Variants in PFKM observed in about 807,000 individuals in gnomAD.
PFKM encodes phosphofructokinase, muscle, also known as ATP-dependent 6-phosphofructokinase, muscle type.
In PFKM, 58 loss-of-function variants were observed where a neutral mutation model predicts 95.5. The observed-to-expected ratio is 0.61, with a 90% CI of 0.49 to 0.76. PFKM has a LOEUF of 0.76. PFKM is among the 30% of genes least tolerant of loss of function. PFKM has a pLI of 0.00. For missense variants in PFKM, 678 were observed against 1,005.4 expected, an observed-to-expected ratio of 0.67 and a Z score of 4.40; for synonymous variants, 336 against 357.2, an observed-to-expected ratio of 0.94 and a Z score of 0.67.
chr12:48,126,613 G>A (rs1948865753), intron 2 of PFKM, among the ~76,000 whole-genome samples: 1 of 152,162 alleles, frequency 6.6e-6, no homozygotes, highest in Admixed American at 6.5e-5. Context: ...TCTTAACCCT[G>A]GGTATACCAA....
exon 3 of PFKM, chr12:48,108,170 G>A: frequency 6.3e-7 from 1 of 1,598,668 alleles, no homozygotes; most frequent in Non-Finnish European, 8.5e-7. Context: ...AGACACCGTG[G>A]GAAGCATACC....
chr12:48,133,173 C>A (rs1009803446), intron 5 of PFKM, 116 bp downstream of exon 5: 16 of 1,281,280 alleles, frequency 1.2e-5, no homozygotes, highest in Admixed American at 3.4e-5. Context: ...GTTACCCAGA[C>A]ACAAATAGGC....
Position 48,130,448 on chromosome 12 carries a change from A to G in PFKM, c.159+12A>G. 2 of 1,593,386 alleles carry G rather than the reference A, an allele frequency of 1.3e-6. No homozygotes were observed. The highest frequency in any genetic ancestry group is 8.6e-7 in the Non-Finnish European group (1 of 1,161,104). On this transcript the variant is annotated intron_variant, in intron 3 of 22. Transcript: ENST00000359794. ...TCTTTGTCCATGAGGTTGGTTCTGT[A>G]CTTTGTTCTTCATCATTCTTTCTCT...
upstream of PFKM, chr12:48,119,285 C>T (rs1947943523): frequency 3.0e-6 from 3 of 984,388 alleles, no homozygotes; most frequent in Non-Finnish European, 3.6e-6. Flanking sequence ...GGAAGCCTCT[C>T]CTCCTTCCCC....
rs1229166145 is a variant in PFKM at position 48,134,713 on chromosome 12, C to G, written c.639-8C>G. The G allele has an allele frequency of 6.3e-7, 1 of 1,586,940 alleles. No homozygotes were observed. Among genetic ancestry groups the G allele is most frequent in the Admixed American group, 1.7e-5 (1 of 59,998 alleles). On this transcript the variant is annotated splice_polypyrimidine_tract_variant and splice_region_variant and intron_variant, in intron 7 of 22. Transcript: ENST00000359794. The stretch of plus-strand genomic sequence containing the variant: ...CTTCTAGCAGGATGCTTCTGACTCT[C>G]ATCTCAGATACCTGGCCCTTGTCAC...
At chr12:48,127,719 A>G (rs989646603) in intron 2 of PFKM, among the ~76,000 whole-genome samples, 6 of 152,202 alleles carry the variant, frequency 3.9e-5, no homozygotes, top group African/African-American at 1.2e-4. Flanking sequence ...TCTTTCTGAG[A>G]TACAGATCGC....
At chr12:48,107,503 T>A in intron 2 of PFKM, 1 of 1,217,806 alleles carries the variant, frequency 8.2e-7, no homozygotes. Context: ...ATGGGTTCTC[T>A]CACAAGAAGT....
At chr12:48,138,428 C>T (rs758384330) in intron 11 of PFKM, among the ~76,000 whole-genome samples, 6 of 152,156 alleles carry the variant, frequency 3.9e-5, no homozygotes, top group Non-Finnish European at 5.9e-5. Context: ...CGGCTGAGAG[C>T]GAGAACTAGG....
At chr12:48,135,954 C>T (rs10219645) in intron 10 of PFKM, among the ~76,000 whole-genome samples, 44,396 of 151,528 alleles carry the variant, frequency 0.29, 6,639 homozygotes, top group Non-Finnish European at 0.31. Flanking sequence ...AATGGTGCGA[C>T]CTTGGCTCAC....
At chr12:48,122,973 C>A in intron 2 of PFKM, 114 bp downstream of exon 2, 1 of 1,021,984 alleles carries the variant, frequency 9.8e-7, no homozygotes, top group Non-Finnish European at 1.5e-6. Context: ...TTGGGCTTTG[C>A]TAAAAATTTC....
intron 14 of PFKM, among the ~76,000 whole-genome samples, chr12:48,141,091 A>T (rs1279817593): frequency 6.6e-6 from 1 of 152,224 alleles, no homozygotes; most frequent in East Asian, 1.9e-4. Context: ...CTCTGTCCCA[A>T]AGCTCAGCAC....
intron 2 of PFKM, chr12:48,107,943 A>C: frequency 2.4e-6 from 2 of 849,244 alleles, no homozygotes; most frequent in African/African-American, 1.7e-5. Flanking sequence ...TCGCGTCTCT[A>C]ATTTTTCACT....
At position 48,145,033 on chromosome 12, in the gene PFKM, T is replaced by C. The variant is rs770758369; in HGVS notation, c.1995T>C (p.Gly665=). The C allele has an allele frequency of 1.1e-5, 18 of 1,609,002 alleles. No individual in the cohort carries two copies. Among genetic ancestry groups the C allele is most frequent in the Non-Finnish European group, 1.5e-5 (18 of 1,175,298 alleles). The change falls in exon 21 of 23, where the codon GGT becomes GGC. Residue 665 remains glycine, a splice_region_variant and synonymous_variant. Transcript: ENST00000359794. The surrounding 1 kb of genome is among the most constrained non-coding windows in gnomAD (Gnocchi z 4.3). ...RKNVLGHMQQ[G]GSPTPFDRNF... ...AATTTTTATGTTTCTTTCTCCAGGG[T>C]GGGAGCCCAACCCCATTTGATAGGA...
intron 2 of PFKM, among the ~76,000 whole-genome samples, chr12:48,123,757 T>C (rs1222813611): frequency 2.0e-5 from 3 of 152,200 alleles, no homozygotes; most frequent in Non-Finnish European, 4.4e-5. Flanking sequence ...TTTGAAGAAG[T>C]TGAATTCCTT....
In PFKM at chr12:48,134,641, A is replaced by G. The variant is rs529875773; in HGVS notation, c.639-80A>G. 5.5e-4 allele frequency: 562 copies of G among 1,013,582 alleles called. 10 individuals carry two copies. The South Asian group carries it at 7.2e-3, about 13-fold the overall frequency. 62.8% of individuals were successfully genotyped at this position (1,013,582 alleles called of 1,614,324 possible). A position where few individuals can be genotyped will look rare whatever the true frequency, so the allele number is the denominator to read the frequency against. ...TCCAGACCTTTTATCAACTATGAGGACTAGGAGAACTTGTTGGGTATGGGT... is the reference window on the plus strand; with the variant it reads ...TCCAGACCTTTTATCAACTATGAGGGCTAGGAGAACTTGTTGGGTATGGGT... On this transcript the variant is annotated intron_variant, in intron 7 of 22. Coordinates refer to ENST00000359794, the MANE Select transcript of PFKM (RefSeq NM_000289.6).
chr12:48,119,919 G>C (rs1034468930), intron 1 of PFKM: 1 of 152,128 alleles, frequency 6.6e-6, no homozygotes, highest in Admixed American at 6.5e-5. Flanking sequence ...GAATATGAGC[G>C]GTTTTTACAG....
intron 5 of PFKM, 38 bp downstream of exon 5, chr12:48,133,095 C>A: frequency 6.3e-7 from 1 of 1,577,786 alleles, no homozygotes; most frequent in South Asian, 1.1e-5. Flanking sequence ...TTATTTGTGT[C>A]GGTACGTGCA....
At chr12:48,110,952 C>T (rs1947131711) in intron 3 of PFKM, among the ~76,000 whole-genome samples, 1 of 152,072 alleles carries the variant, frequency 6.6e-6, no homozygotes, top group African/African-American at 2.4e-5. Flanking sequence ...TGTCCTGACC[C>T]CTAGGCTTTT....
upstream of PFKM, chr12:48,105,668 G>A (rs1013233768): frequency 2.3e-6 from 1 of 431,894 alleles, no homozygotes; most frequent in African/African-American, 2.0e-5. Flanking sequence ...CCCCAGAGAA[G>A]ACCCAGCTCT....
Sources: gnomAD v4.1 joint callset for allele counts (sites outside exome capture counted in the v4.1 genomes callset) on GRCh38, gnomAD v4.1.1 for gene constraint, Gnocchi (gnomAD v3.1) non-coding constraint, MANE v1.5 for transcripts, NCBI Gene and HGNC (gene_info 2026-07-23, HGNC 2026-07-21) for gene names.